NRCAM: variants seen among roughly 807,000 people sequenced by gnomAD.
NRCAM encodes NgCAM-related cell adhesion molecule.
A neutral mutation model predicts 156.5 loss-of-function variants in NRCAM; 83 were observed. The ratio of observed to expected loss-of-function variants is 0.53; its 90% CI spans 0.44 to 0.64. The LOEUF is 0.64. NRCAM is among the 30% of genes least tolerant of loss of function. The pLI is 0.00. For synonymous variants in NRCAM, 538 were observed against 563.9 expected (o/e 0.95, Z 0.65); for missense variants, 1,417 against 1,597.3 (o/e 0.89, Z 1.92).
At position 108,247,753 on chromosome 7, in the gene NRCAM, C is replaced by G. The variant is rs562443027; in HGVS notation, c.-106-7583G>C. Among the ~76,000 whole-genome samples the G allele has an allele frequency of 4.6e-5, 7 of 152,268 alleles. No homozygotes were observed. The South Asian group carries it at 1.4e-3, about 32-fold the overall frequency. ...TTGTTAGTCTATCCCTCCTACTTCC[C>G]CATCTCCGTGAATCATACTAGAACT... On this transcript the variant is annotated intron_variant, in intron 3 of 32. Transcript: ENST00000379028.
At chr7:108,185,798 T>C (rs145911501) in intron 20 of NRCAM, among the ~76,000 whole-genome samples, 1 of 150,568 alleles carries the variant, frequency 6.6e-6, no homozygotes, top group East Asian at 2.0e-4. Flanking sequence ...TTCTAAAGTG[T>C]ATTATTAAGT....
At chr7:108,366,345 G>A (rs1009119277) in intron 2 of NRCAM, among the ~76,000 whole-genome samples, 1 of 152,122 alleles carries the variant, frequency 6.6e-6, no homozygotes, top group Non-Finnish European at 1.5e-5. Context: ...CATTTACACA[G>A]AAATTTTATA....
At chr7:108,289,812 G>C (rs1487410006) in intron 3 of NRCAM, among the ~76,000 whole-genome samples, 1 of 152,102 alleles carries the variant, frequency 6.6e-6, no homozygotes, top group Non-Finnish European at 1.5e-5. Flanking sequence ...TGTTAAAAAG[G>C]CAAATTCTTT....
At chr7:108,389,149 C>T (rs1164657410) in intron 2 of NRCAM, among the ~76,000 whole-genome samples, 1 of 152,112 alleles carries the variant, frequency 6.6e-6, no homozygotes, top group African/African-American at 2.4e-5. Flanking sequence ...TTACCTTGGG[C>T]AGTATGGCCA....
intron 20 of NRCAM, among the ~76,000 whole-genome samples, chr7:108,185,839 C>T (rs913252737): frequency 6.6e-6 from 1 of 151,250 alleles, no homozygotes; most frequent in African/African-American, 2.4e-5. Context: ...GGTATAGAAT[C>T]GTGTGTGCTG....
Position 108,456,392 on chromosome 7 carries a change from C to G in NRCAM, c.-481G>C, listed in dbSNP as rs1857437492. 2 of 151,358 alleles carry G rather than the reference C, an allele frequency of 1.3e-5. No homozygotes were observed. Among genetic ancestry groups the G allele is most frequent in the South Asian group, 4.1e-4 (2 of 4,828 alleles). 9.4% of individuals were successfully genotyped at this position (151,358 alleles called of 1,614,324 possible). ...CCCCCGCGCCCGCGCGTCTGAGGCTCGGACTGCGGCGCGCGTCCGCCAGCG... is the reference window on the plus strand; with the variant it reads ...CCCCCGCGCCCGCGCGTCTGAGGCTGGGACTGCGGCGCGCGTCCGCCAGCG... On this transcript the variant is annotated 5_prime_UTR_variant, in exon 1 of 33. Coordinates refer to ENST00000379028, the MANE Select transcript of NRCAM (RefSeq NM_001037132.4).
intron 1 of NRCAM, among the ~76,000 whole-genome samples, chr7:108,451,505 A>G (rs932575054): frequency 2.0e-5 from 3 of 152,226 alleles, no homozygotes; most frequent in African/African-American, 7.2e-5. Flanking sequence ...TTGTACATCC[A>G]TGTTCATGGC....
At chr7:108,386,072 G>A (rs2099740143) in intron 2 of NRCAM, among the ~76,000 whole-genome samples, 1 of 152,144 alleles carries the variant, frequency 6.6e-6, no homozygotes, top group Admixed American at 6.6e-5. Flanking sequence ...GAAGGTCACT[G>A]TAATGTGATA....
At chr7:108,398,368 G>T (rs2099782873) in intron 2 of NRCAM, among the ~76,000 whole-genome samples, 1 of 152,058 alleles carries the variant, frequency 6.6e-6, no homozygotes, top group African/African-American at 2.4e-5. Context: ...GCTGCTTCTA[G>T]CCAAATTCTA....
At position 108,175,262 on chromosome 7, in the gene NRCAM, C is replaced by T; in HGVS notation, c.3187+60G>A. The T allele has an allele frequency of 2.2e-6, 3 of 1,393,950 alleles. No homozygotes were observed. In the East Asian group the frequency reaches 7.7e-5, roughly 36 times the overall value. The allele number at this position is 1,393,950 out of a possible 1,614,324, so 86.3% of individuals were successfully genotyped here. A position where few individuals can be genotyped will look rare whatever the true frequency, so the allele number is the denominator to read the frequency against. On this transcript the variant is annotated intron_variant, in intron 28 of 32. Transcript: ENST00000379028. ...CTCTGTTTTACCCATGCTGCACTTC[C>T]CCATGTTTCACATTGCAAATTTCAC...
chr7:108,400,713 T>C (rs1312002864), intron 1 of NRCAM, among the ~76,000 whole-genome samples: 1 of 152,088 alleles, frequency 6.6e-6, no homozygotes. Context: ...TAGTTCCCAT[T>C]TTCAGGAGGC....
intron 3 of NRCAM, among the ~76,000 whole-genome samples, chr7:108,281,715 A>C (rs928267015): frequency 2.0e-5 from 3 of 152,202 alleles, no homozygotes; most frequent in Non-Finnish European, 1.5e-5. Context: ...AGCTATCAGC[A>C]TGAGATGGCT....
chr7:108,200,370 A>G (rs1194690751), intron 13 of NRCAM, among the ~76,000 whole-genome samples: 1 of 152,208 alleles, frequency 6.6e-6, no homozygotes, highest in Non-Finnish European at 1.5e-5. Flanking sequence ...GCAGGCAGCC[A>G]TGGATCCTGA....
At chr7:108,212,477 A>T (rs1246077970) in intron 11 of NRCAM, among the ~76,000 whole-genome samples, 2 of 152,226 alleles carry the variant, frequency 1.3e-5, no homozygotes, top group Non-Finnish European at 2.9e-5. Flanking sequence ...GCAAAGCCCA[A>T]TGTAAGGAAA....
At chr7:108,249,537 C>A (rs951884841) in intron 3 of NRCAM, among the ~76,000 whole-genome samples, 1 of 152,156 alleles carries the variant, frequency 6.6e-6, no homozygotes, top group African/African-American at 2.4e-5. Context: ...CAACGAGTGG[C>A]CATTTGTTTG....
intron 2 of NRCAM, among the ~76,000 whole-genome samples, chr7:108,349,253 A>C (rs550909451): frequency 6.6e-6 from 1 of 151,818 alleles, no homozygotes; most frequent in East Asian, 1.9e-4. Context: ...CTGCTCTTTA[A>C]ATTTGTGTAG....
At chr7:108,264,942 G>A (rs776522411) in intron 3 of NRCAM, among the ~76,000 whole-genome samples, 10 of 152,146 alleles carry the variant, frequency 6.6e-5, no homozygotes, top group Non-Finnish European at 1.0e-4. Flanking sequence ...TCTCCAACCG[G>A]ACAGAAAATG....
intron 22 of NRCAM, among the ~76,000 whole-genome samples, chr7:108,183,188 C>T (rs2064469213): frequency 1.3e-5 from 2 of 152,158 alleles, no homozygotes; most frequent in African/African-American, 4.8e-5. Flanking sequence ...CTGGCTCTAC[C>T]GTCAAGGATG....
At chr7:108,321,869 G>A (rs760068316) in intron 2 of NRCAM, among the ~76,000 whole-genome samples, 3 of 152,126 alleles carry the variant, frequency 2.0e-5, no homozygotes, top group African/African-American at 4.8e-5. Context: ...TAACTTGGCC[G>A]TTGGTATCAA....
Sources: gnomAD v4.1 joint callset for allele counts (sites outside exome capture counted in the v4.1 genomes callset) on GRCh38, gnomAD v4.1.1 for gene constraint, MANE v1.5 for transcripts, NCBI Gene and HGNC (gene_info 2026-07-23, HGNC 2026-07-21) for gene names.